Variants in FRMD1 observed in about 807,000 individuals in gnomAD.
FRMD1 encodes FERM domain-containing protein 1.
Under a neutral mutation model 54.9 loss-of-function variants are expected in FRMD1, and 51 were observed. That is an observed-to-expected ratio of 0.93 (90% CI 0.74 to 1.17). FRMD1 has a LOEUF of 1.17. FRMD1 is among the 50% of genes most tolerant of loss of function. The pLI is 0.00. For missense variants in FRMD1, 729 were observed against 743.0 expected (o/e 0.98, Z 0.22); for synonymous variants, 324 against 306.4 (o/e 1.06, Z -0.60).
At chr6:168,064,763 C>T in intron 5 of FRMD1, 108 bp downstream of exon 5, 2 of 1,465,664 alleles carry the variant, frequency 1.4e-6, no homozygotes, top group Non-Finnish European at 1.8e-6. Flanking sequence ...ACCCTTGCTC[C>T]AGCAGCCCCT....
At chr6:168,081,635 TG>T, upstream of FRMD1, 1 of 968,906 alleles carries the variant, frequency 1.0e-6, no homozygotes, top group African/African-American at 1.6e-5. Flanking sequence ...GAAAACAATG[TG>T]GGAATGCTGT....
chr6:168,062,488 C>G (rs966233532), intron 7 of FRMD1, among the ~76,000 whole-genome samples: 1 of 152,248 alleles, frequency 6.6e-6, no homozygotes, highest in African/African-American at 2.4e-5. Context: ...GCTAAACACC[C>G]CACGCCTGCA....
At chr6:168,084,801 G>A (rs774150095), upstream of FRMD1, among the ~76,000 whole-genome samples, 7 of 152,218 alleles carry the variant, frequency 4.6e-5, no homozygotes, top group East Asian at 1.9e-4. Flanking sequence ...CATAGCAGGC[G>A]TCCCATGGTC....
rs535423879 is a variant in FRMD1, at chr6:168,058,544, G to C, written c.1407+580C>G. 4.6e-5 allele frequency among the ~76,000 whole-genome samples: 7 copies of C among 152,062 alleles called. No individual in the cohort carries two copies. The South Asian group carries it at 1.2e-3, about 27-fold the overall frequency. ...ACCAGAGGGGGCCTCACCCTCCTGT[G>C]GTGGAGCCGGGGGCGGGGGTTGGGG... On this transcript the variant is annotated intron_variant, in intron 10 of 10. Transcript: ENST00000283309.
At chr6:168,070,588 G>A (rs561921976) in intron 2 of FRMD1, among the ~76,000 whole-genome samples, 1 of 150,958 alleles carries the variant, frequency 6.6e-6, no homozygotes, top group African/African-American at 2.5e-5. Context: ...TCTCCAGCCT[G>A]CCCTGCAGAT....
At position 168,058,479 on chromosome 6, in the gene FRMD1, G is replaced by T. The variant is rs943045165; in HGVS notation, c.1407+645C>A. Among the ~76,000 whole-genome samples, 30 of 147,228 alleles carry T rather than the reference G, an allele frequency of 2.0e-4. 1 individual carries two copies. The highest frequency in any genetic ancestry group is 1.4e-3 in the Admixed American group (20 of 14,698). On this transcript the variant is annotated intron_variant, in intron 10 of 10. Coordinates refer to ENST00000283309, the MANE Select transcript of FRMD1 (RefSeq NM_024919.6). ...TCACGATAACTAATCAGCCACAACCGATTTTCTGTGTCTTTCCAGGGGGAT... is the reference window on the plus strand; with the variant it reads ...TCACGATAACTAATCAGCCACAACCTATTTTCTGTGTCTTTCCAGGGGGAT...
At chr6:168,090,611 C>G (rs1193783053) in intron 1 of FRMD1, among the ~76,000 whole-genome samples, 1 of 152,240 alleles carries the variant, frequency 6.6e-6, no homozygotes, top group Non-Finnish European at 1.5e-5. Flanking sequence ...AGTAACTTGA[C>G]CCCTGCCTGT....
intron 1 of FRMD1, among the ~76,000 whole-genome samples, chr6:168,091,733 C>T (rs945034692): frequency 2.6e-5 from 4 of 152,232 alleles, no homozygotes; most frequent in South Asian, 2.1e-4. Flanking sequence ...GGGCTGGAAC[C>T]GAATCATAGC....
At chr6:168,068,186 A>G (rs1169479173) in intron 2 of FRMD1, among the ~76,000 whole-genome samples, 2 of 152,216 alleles carry the variant, frequency 1.3e-5, no homozygotes, top group African/African-American at 4.8e-5. Context: ...CTTCAAGTCA[A>G]TGATCCCAGC....
chr6:168,063,546 G>A, intron 6 of FRMD1, 55 bp downstream of exon 6: 3 of 1,527,458 alleles, frequency 2.0e-6, no homozygotes, highest in Admixed American at 2.0e-5. Context: ...GGGGCTCCGT[G>A]CATCCCTGGC....
chr6:168,078,259 G>C (rs1018276734), intron 1 of FRMD1, among the ~76,000 whole-genome samples: 1 of 152,102 alleles, frequency 6.6e-6, no homozygotes, highest in Non-Finnish European at 1.5e-5. Flanking sequence ...GAGAAGCATA[G>C]AGATGGTGAC....
intron 1 of FRMD1, among the ~76,000 whole-genome samples, chr6:168,091,303 C>T (rs1216349382): frequency 6.6e-6 from 1 of 152,228 alleles, no homozygotes; most frequent in African/African-American, 2.4e-5. Flanking sequence ...TTCTCTGAAT[C>T]CTCTTCCACG....
chr6:168,073,473 G>T (rs1335133749), intron 2 of FRMD1, among the ~76,000 whole-genome samples: 1 of 152,134 alleles, frequency 6.6e-6, no homozygotes, highest in African/African-American at 2.4e-5. Context: ...CTGCCCCCCA[G>T]GGTCCTCCTT....
Position 168,059,959 on chromosome 6 carries a change from G to A in FRMD1, c.1343-771C>T, listed in dbSNP as rs1029211674. Among the ~76,000 whole-genome samples, 7 of 151,924 alleles carry A rather than the reference G, an allele frequency of 4.6e-5. No individual in the cohort carries two copies. The highest frequency in any genetic ancestry group is 8.8e-5 in the Non-Finnish European group (6 of 67,968). Reference sequence around the variant, plus strand: ...ATAAAAAGACATGAGTCTAACCCAGGCTTTCTGATGGGAGGGAAGCTGGTA... The same window carrying A: ...ATAAAAAGACATGAGTCTAACCCAGACTTTCTGATGGGAGGGAAGCTGGTA... On this transcript the variant is annotated intron_variant, in intron 9 of 10. Coordinates refer to ENST00000283309, the MANE Select transcript of FRMD1 (RefSeq NM_024919.6). This position sits in a 1 kb window ranked among gnomAD's most constrained non-coding sequence, Gnocchi z 4.4.
chr6:168,068,929 T>A (rs1800168036), intron 2 of FRMD1, among the ~76,000 whole-genome samples: 1 of 152,218 alleles, frequency 6.6e-6, no homozygotes. Context: ...GTCTTTCTAA[T>A]CCTTAGTACC....
chr6:168,067,482 A>G (rs1039833705), intron 2 of FRMD1, 36 bp from the exon 3 acceptor site: 3 of 1,326,516 alleles, frequency 2.3e-6, no homozygotes, highest in Non-Finnish European at 3.2e-6. Context: ...CAGAGCAGTC[A>G]CCATGCTTCT....
At chr6:168,088,267 C>T (rs1323351475) in intron 1 of FRMD1, among the ~76,000 whole-genome samples, 1 of 152,234 alleles carries the variant, frequency 6.6e-6, no homozygotes, top group Admixed American at 6.5e-5. Context: ...CCCGCCGTCA[C>T]CTGCCCCTGC....
Position 168,066,840 on chromosome 6 carries a change from GA to G in FRMD1, c.385-10del. ...CTGGGTTTCTCATTTCCCTAGTGGG[GA>G]AAATGCAAGAAAGAGCAAGTGAGCC... On this transcript the variant is annotated splice_polypyrimidine_tract_variant and intron_variant, in intron 3 of 10. Coordinates refer to ENST00000283309, the MANE Select transcript of FRMD1 (RefSeq NM_024919.6). The G allele has an allele frequency of 6.2e-7, 1 of 1,609,596 alleles. No individual in the cohort carries two copies. The highest frequency in any genetic ancestry group is 8.5e-7 in the Non-Finnish European group (1 of 1,178,958).
Position 168,061,822 on chromosome 6 carries a change from G to C in FRMD1, c.1030C>G (p.Arg344Gly). ...CCAGCCCCACCTTCTGCCTCCTCCC[G>C]CTGCCGCAGCTGTTGCAGAGTGGGC... ...VRPTLQQLRQ[R>G]EEAEEKQHYR... is the part of the protein sequence containing the mutation. The change falls in exon 8 of 11, where the codon CGG (arginine) becomes GGG (glycine). Residue 344 changes from arginine to glycine, a missense_variant. By Grantham distance (125) the Arg-to-Gly change is moderately radical. Transcript: ENST00000283309. The C allele has an allele frequency of 3.2e-6, 5 of 1,558,020 alleles. No individual in the cohort carries two copies. Among genetic ancestry groups the C allele is most frequent in the Non-Finnish European group, 4.3e-6 (5 of 1,152,460 alleles).
Sources: gnomAD v4.1 joint callset for allele counts (sites outside exome capture counted in the v4.1 genomes callset) on GRCh38, gnomAD v4.1.1 for gene constraint, Gnocchi (gnomAD v3.1) non-coding constraint, MANE v1.5 for transcripts, NCBI Gene and HGNC (gene_info 2026-07-23, HGNC 2026-07-21) for gene names.